Variants in ACAP3 observed in about 807,000 individuals in gnomAD.
The protein encoded by ACAP3 is arf-GAP with coiled-coil, ANK repeat and PH domain-containing protein 3.
In ACAP3, 56 loss-of-function variants were observed where a neutral mutation model predicts 104.1. The observed-to-expected ratio is 0.54, with a 90% confidence interval of 0.43 to 0.67. The LOEUF (loss-of-function observed/expected upper bound fraction) is 0.67. Among genes scored for constraint, ACAP3 ranks in the 30% least tolerant of loss-of-function variants. The pLI is 0.00. For missense variants in ACAP3, 1,208 were observed against 1,174.9 expected (o/e 1.03, Z -0.41); for synonymous variants, 628 against 496.2 (o/e 1.27, Z -3.53).
At chr1:1,296,881 A>C (rs1158399676) in intron 14 of ACAP3, among the ~76,000 whole-genome samples, 3 of 151,890 alleles carry the variant, frequency 2.0e-5, no homozygotes, top group Non-Finnish European at 4.4e-5. Context: ...CCGCACACGC[A>C]CGTACGTGTG....
chr1:1,298,156 C>T lies in ACAP3; in HGVS notation c.916-43G>A, dbSNP rs372315546. ...GTGGCCCCTGCCCTCAGCCACCACC[C>T]GGCCCCGACCACCCACTTCCTGCTT... On this transcript the variant is annotated intron_variant, in intron 12 of 23. Transcript: ENST00000354700. 6.0e-5 allele frequency: 94 copies of T among 1,571,406 alleles called. 1 individual carries two copies. The highest frequency in any genetic ancestry group is 2.5e-4 in the South Asian group (22 of 87,036).
At chr1:1,299,775 G>GC in intron 9 of ACAP3, 56 bp downstream of exon 9, 1 of 1,504,234 alleles carries the variant, frequency 6.6e-7, no homozygotes, top group Non-Finnish European at 8.9e-7. Flanking sequence ...CATGGGGTGA[G>GC]GACGCAGGGG....
chr1:1,303,462 C>A lies in ACAP3; in HGVS notation c.106-181G>T. 3.0e-6 allele frequency: 1 copy of A among 329,516 alleles called. No individual in the cohort carries two copies. The highest frequency in any genetic ancestry group is 6.0e-6 in the Non-Finnish European group (1 of 167,444). The allele number at this position is 329,516 out of a possible 1,614,324, so 20.4% of individuals were successfully genotyped here. A position where few individuals can be genotyped will look rare whatever the true frequency, so the allele number is the denominator to read the frequency against. Reference sequence around the variant, plus strand: ...TGGGCCTGCCTGGGGCTTGGAGGCCCGTCTGGGAGGGGAGGGTGGGGCCGC... The same window carrying A: ...TGGGCCTGCCTGGGGCTTGGAGGCCAGTCTGGGAGGGGAGGGTGGGGCCGC... On this transcript the variant is annotated intron_variant, in intron 2 of 23. Coordinates refer to ENST00000354700, the MANE Select transcript of ACAP3 (RefSeq NM_030649.3). The surrounding 1 kb of genome is among the most constrained non-coding windows in gnomAD (Gnocchi z 4.0).
chr1:1,298,024 C>T lies in ACAP3; in HGVS notation c.1005G>A (p.Leu335=), dbSNP rs1011759781. The part of the protein sequence containing the change: ...DIERRFCFEV[L]SPTKSCMLQA... ...CTGGGCCTCCTCACTTGGTGGGTGA[C>T]AGCACCTCGAAGCAGAACCTCCGCT... Residue 335 remains leucine, a synonymous_variant, in exon 13 of 24, where the codon CTG becomes CTA. Coordinates refer to ENST00000354700, the MANE Select transcript of ACAP3 (RefSeq NM_030649.3). The T allele has an allele frequency of 1.9e-6, 3 of 1,611,918 alleles. No homozygotes were observed. The African/African-American group carries it at 4.0e-5, about 21-fold the overall frequency.
chr1:1,306,939 C>A (rs1008952219), intron 1 of ACAP3: 2 of 385,482 alleles, frequency 5.2e-6, no homozygotes, highest in Admixed American at 3.0e-5. Flanking sequence ...CAAGCACAGC[C>A]CCGTGGCACA....
intron 9 of ACAP3, 127 bp from the exon 10 acceptor site, chr1:1,299,483 G>T: frequency 1.7e-6 from 2 of 1,183,286 alleles, no homozygotes; most frequent in Non-Finnish European, 2.3e-6. Context: ...CTCCTGGGGG[G>T]CTCTCCCCTA....
rs778035217 is a variant in ACAP3, at chr1:1,295,568, G to A, written c.1706-14C>T. The stretch of plus-strand genomic sequence containing the variant: ...CCAGGGTGCCCACTGCAGGGGCAGT[G>A]CGTGTTCAGAGTGTGGAACAGGCCC... On this transcript the variant is annotated splice_polypyrimidine_tract_variant and intron_variant, in intron 18 of 23. Transcript: ENST00000354700. 24 of 1,609,176 alleles carry A rather than the reference G, an allele frequency of 1.5e-5. No individual in the cohort carries two copies. The highest frequency in any genetic ancestry group is 2.0e-5 in the Non-Finnish European group (24 of 1,177,324).
intron 1 of ACAP3, 56 bp from the exon 2 acceptor site, chr1:1,304,199 TTCACCTCCCCCC>T (rs1641580744): frequency 7.8e-6 from 12 of 1,546,328 alleles, no homozygotes; most frequent in Middle Eastern, 3.3e-4. Flanking sequence ...CCCTCGGGGC[TTCACCTCCCCCC>T]GCACCTCCCT....
chr1:1,300,090 G>A (rs760882603), intron 7 of ACAP3, 22 bp from the exon 8 acceptor site: 2 of 1,609,936 alleles, frequency 1.2e-6, no homozygotes, highest in South Asian at 1.1e-5. Flanking sequence ...GCACAGGTGA[G>A]GCCCAAGCAC....
chr1:1,293,368 CGT>C lies in ACAP3; in HGVS notation c.*194_*195del. On this transcript the variant is annotated 3_prime_UTR_variant, in exon 24 of 24. Coordinates refer to ENST00000354700, the MANE Select transcript of ACAP3 (RefSeq NM_030649.3). ...ACGATGCAGCACCCCCCCAGGGAAA[CGT>C]GAGGCTTCAAGAGACTCAGTGTGGG... 6.8e-6 allele frequency: 3 copies of C among 444,356 alleles called. No homozygotes were observed. Among genetic ancestry groups the C allele is most frequent in the Non-Finnish European group, 1.0e-5 (3 of 286,170 alleles). The allele number at this position is 444,356 out of a possible 1,614,324, so 27.5% of individuals were successfully genotyped here. A position where few individuals can be genotyped will look rare whatever the true frequency, so the allele number is the denominator to read the frequency against.
intron 9 of ACAP3, 25 bp downstream of exon 9, chr1:1,299,806 C>T (rs758859408): frequency 6.5e-7 from 1 of 1,538,034 alleles, no homozygotes; most frequent in African/African-American, 1.4e-5. Flanking sequence ...GCCTGGTGTG[C>T]AGGGAGCCGG....
At position 1,293,549 on chromosome 1, in the gene ACAP3, C is replaced by T. The variant is rs1640936181; in HGVS notation, c.*15G>A. 4 of 1,460,998 alleles carry T rather than the reference C, an allele frequency of 2.7e-6. No individual in the cohort carries two copies. The African/African-American group carries it at 6.0e-5, about 22-fold the overall frequency. 90.5% of individuals were successfully genotyped at this position (1,460,998 alleles called of 1,614,324 possible). ...TCGGGCCGGGCGGGGTGGCAGCTGC[C>T]CGGCCTGCCCGGCCCTAGCTCTCTT... On this transcript the variant is annotated 3_prime_UTR_variant, in exon 24 of 24. Coordinates refer to ENST00000354700, the MANE Select transcript of ACAP3 (RefSeq NM_030649.3).
chr1:1,297,778 C>T (rs1461981519), intron 14 of ACAP3, 44 bp downstream of exon 14: 7 of 1,573,790 alleles, frequency 4.4e-6, no homozygotes, highest in Non-Finnish European at 6.1e-6. Flanking sequence ...CCCGGTGGCA[C>T]GTGTGTGTGC....
intron 21 of ACAP3, 34 bp from the exon 22 acceptor site, chr1:1,294,233 G>A: frequency 2.6e-6 from 4 of 1,549,204 alleles, no homozygotes; most frequent in Non-Finnish European, 3.5e-6. Context: ...CGGAGCCACG[G>A]CACCGGCCCC....
intron 1 of ACAP3, among the ~76,000 whole-genome samples, chr1:1,306,920 A>ATG (rs1007917793): frequency 1.3e-5 from 2 of 152,202 alleles, no homozygotes; most frequent in African/African-American, 4.8e-5. Flanking sequence ...GGCAGGCTAC[A>ATG]TGCAGAAGCA....
intron 19 of ACAP3, chr1:1,295,050 C>T (rs1395795774): frequency 3.5e-6 from 2 of 571,382 alleles, no homozygotes; most frequent in Non-Finnish European, 6.2e-6. Flanking sequence ...TTTGGGAAGC[C>T]CTTCCCTCCC....
intron 1 of ACAP3, chr1:1,307,260 C>T: frequency 1.6e-6 from 2 of 1,288,336 alleles, no homozygotes; most frequent in Non-Finnish European, 2.0e-6. Context: ...ACCTGACCTT[C>T]CCCGCCGCTC....
Position 1,307,492 on chromosome 1 carries a change from T to C in ACAP3, c.47+277A>G, listed in dbSNP as rs946770790. On this transcript the variant is annotated intron_variant, in intron 1 of 23. Coordinates refer to ENST00000354700, the MANE Select transcript of ACAP3 (RefSeq NM_030649.3). ...CGGGAGGGGCTCAGCCCAGTGGAGG[T>C]GCAGACACAGAGCGGGGGCGGACGG... 8 of 1,249,954 alleles carry C rather than the reference T, an allele frequency of 6.4e-6. No homozygotes were observed. In the African/African-American group the frequency reaches 9.3e-5, roughly 15 times the overall value. The allele number at this position is 1,249,954 out of a possible 1,614,324, so 77.4% of individuals were successfully genotyped here.
chr1:1,294,066 C>G (rs746851256), intron 22 of ACAP3, 24 bp downstream of exon 22: 8 of 1,542,834 alleles, frequency 5.2e-6, no homozygotes, highest in East Asian at 2.4e-5. Flanking sequence ...GGGCACAGGG[C>G]GGGGCGTGGG....
Sources: gnomAD v4.1 joint callset for allele counts (sites outside exome capture counted in the v4.1 genomes callset) on GRCh38, gnomAD v4.1.1 for gene constraint, Gnocchi (gnomAD v3.1) non-coding constraint, MANE v1.5 for transcripts, NCBI Gene and HGNC (gene_info 2026-07-23, HGNC 2026-07-21) for gene names.